The following ZNF322 variants were observed in gnomAD, a reference collection of about 807,000 sequenced individuals.
ZNF322 encodes zinc finger protein 322.
In ZNF322, 1 loss-of-function variant was observed where a neutral mutation model predicts 18.3. The ratio of observed to expected loss-of-function variants is 0.05; its 90% CI spans 0.02 to 0.26. The LOEUF (loss-of-function observed/expected upper bound fraction) is 0.26. Among genes scored for constraint, ZNF322 ranks in the 10% least tolerant of loss-of-function variants. ZNF322 has a pLI of 1.00. For missense variants in ZNF322, 36 were observed against 403.6 expected, an observed-to-expected ratio of 0.09 and a Z score of 7.80; for synonymous variants, 17 against 130.7, an observed-to-expected ratio of 0.13 and a Z score of 5.93.
At chr6:26,655,889 G>C (rs61242782) in intron 2 of ZNF322, among the ~76,000 whole-genome samples, 6 of 152,076 alleles carry the variant, frequency 3.9e-5, no homozygotes, top group African/African-American at 1.2e-4. Flanking sequence ...TTGGACTTTC[G>C]AATCTCCAGA....
At chr6:26,659,263 TA>T (rs1554149947) in intron 1 of ZNF322, among the ~76,000 whole-genome samples, 177 bp downstream of exon 1, 38 of 152,376 alleles carry the variant, frequency 2.5e-4, no homozygotes, top group African/African-American at 8.7e-4. Flanking sequence ...ACTACCGTAC[TA>T]AGGTTCTCTT....
chr6:26,649,675 G>GTGTATA (rs1465971500), intron 2 of ZNF322, among the ~76,000 whole-genome samples: 134 of 22,942 alleles, frequency 5.8e-3, no homozygotes, highest in Non-Finnish European at 7.9e-3. Flanking sequence ...GTGTGTGTGT[G>GTGTATA]TATATATATA....
At chr6:26,654,988 A>G (rs1436128115) in intron 2 of ZNF322, among the ~76,000 whole-genome samples, 1 of 152,214 alleles carries the variant, frequency 6.6e-6, no homozygotes, top group Non-Finnish European at 1.5e-5. Context: ...AGAAAAACAT[A>G]ACATCACTTC....
intron 2 of ZNF322, among the ~76,000 whole-genome samples, chr6:26,645,922 T>G (rs1461298727): frequency 6.6e-6 from 1 of 151,778 alleles, no homozygotes. Context: ...TCCCAGCTAC[T>G]TGGGAGGCTG....
intron 3 of ZNF322, among the ~76,000 whole-genome samples, chr6:26,639,549 A>C (rs2172007): frequency 0.36 from 54,217 of 152,018 alleles, 10,836 homozygotes; most frequent in East Asian, 0.66. Context: ...GAAACACCTA[A>C]AGGATCAAGT....
At chr6:26,653,708 G>A (rs942310748) in intron 2 of ZNF322, among the ~76,000 whole-genome samples, 2 of 152,102 alleles carry the variant, frequency 1.3e-5, no homozygotes, top group Non-Finnish European at 2.9e-5. Context: ...AGAAACTAAT[G>A]AGATTGGTTA....
chr6:26,640,841 G>A (rs1554148237), intron 3 of ZNF322, among the ~76,000 whole-genome samples: 3 of 152,202 alleles, frequency 2.0e-5, no homozygotes. Context: ...ACTTTTCTGG[G>A]GAGAAGGTAC....
intron 3 of ZNF322, among the ~76,000 whole-genome samples, chr6:26,640,012 G>C (rs182807027): frequency 1.3e-5 from 2 of 151,922 alleles, no homozygotes; most frequent in Non-Finnish European, 2.9e-5. Context: ...CATCACTCTA[G>C]CAATTCCACC....
chr6:26,647,878 T>C (rs1286897270), intron 2 of ZNF322, among the ~76,000 whole-genome samples: 3 of 40,842 alleles, frequency 7.3e-5, no homozygotes, highest in Non-Finnish European at 1.4e-4. Flanking sequence ...CCAATATCGC[T>C]TTTTTTTTTT....
chr6:26,639,185 A>G (rs1765423226), intron 3 of ZNF322, among the ~76,000 whole-genome samples: 1 of 152,214 alleles, frequency 6.6e-6, no homozygotes, highest in African/African-American at 2.4e-5. Context: ...TAGTGGTGAT[A>G]TCAGGCAAGT....
intron 2 of ZNF322, among the ~76,000 whole-genome samples, chr6:26,649,690 TA>T (rs1765629230): frequency 1.2e-5 from 1 of 82,576 alleles, no homozygotes; most frequent in Non-Finnish European, 2.5e-5. Flanking sequence ...TATATATATA[TA>T]TATATATATA....
intron 3 of ZNF322, among the ~76,000 whole-genome samples, chr6:26,639,892 G>A (rs879959769): frequency 6.6e-6 from 1 of 152,078 alleles, no homozygotes; most frequent in Non-Finnish European, 1.5e-5. Flanking sequence ...CCAACCTCTT[G>A]TAAGTGTGGT....
chr6:26,656,393 T>C (rs1265655447), intron 2 of ZNF322, among the ~76,000 whole-genome samples: 3 of 152,238 alleles, frequency 2.0e-5, no homozygotes, highest in African/African-American at 7.2e-5. Context: ...GTAGATTCTA[T>C]TATTTTCTTA....
chr6:26,658,030 C>T (rs1287963582), intron 2 of ZNF322, among the ~76,000 whole-genome samples: 1 of 152,030 alleles, frequency 6.6e-6, no homozygotes, highest in Non-Finnish European at 1.5e-5. Flanking sequence ...GTTAGTAAAG[C>T]ATTATTTAAA....
chr6:26,653,772 TGGA>T (rs1554149453), intron 2 of ZNF322, among the ~76,000 whole-genome samples: 1 of 152,062 alleles, frequency 6.6e-6, no homozygotes, highest in African/African-American at 2.4e-5. Flanking sequence ...CAGAATTGGG[TGGA>T]GGAGAAGAGT....
intron 2 of ZNF322, among the ~76,000 whole-genome samples, chr6:26,646,032 AAAATAAATAAATAAATAAAT>A (rs58017104): frequency 0.46 from 68,055 of 147,768 alleles, 15,933 homozygotes; most frequent in East Asian, 0.68. Context: ...ACTCCGCCTC[AAAATAAATAAATAAATAAAT>A]AAATAAATAA....
intron 2 of ZNF322, among the ~76,000 whole-genome samples, chr6:26,647,607 A>G (rs1197312606): frequency 6.6e-6 from 1 of 152,212 alleles, no homozygotes; most frequent in Non-Finnish European, 1.5e-5. Flanking sequence ...AGTTGACTCC[A>G]TTAAAGATAT....
chr6:26,644,874 T>C (rs1238928062), intron 2 of ZNF322, among the ~76,000 whole-genome samples: 3 of 152,182 alleles, frequency 2.0e-5, no homozygotes, highest in African/African-American at 7.2e-5. Context: ...TAGGTAAATG[T>C]GTGCCTATGT....
At chr6:26,641,838 C>T (rs1182236007) in intron 3 of ZNF322, among the ~76,000 whole-genome samples, 5 of 152,194 alleles carry the variant, frequency 3.3e-5, no homozygotes, top group Non-Finnish European at 7.3e-5. Flanking sequence ...AAGATTTCCC[C>T]TCACTGAGAC....
Sources: allele counts gnomAD v4.1 joint callset (sites outside exome capture counted in the v4.1 genomes callset), GRCh38; gene constraint gnomAD v4.1.1; transcripts MANE v1.5; gene names NCBI Gene and HGNC (gene_info 2026-07-23, HGNC 2026-07-21).